Variants in NT5C1A observed in about 807,000 individuals in gnomAD.
NT5C1A encodes the protein cytosolic 5'-nucleotidase 1A.
NT5C1A carries 18 observed loss-of-function variants against 31.0 expected under a neutral mutation model. The ratio of observed to expected loss-of-function variants is 0.58; its 90% CI spans 0.40 to 0.86. NT5C1A has a LOEUF of 0.86. Among genes scored for constraint, NT5C1A ranks in the 40% least tolerant of loss-of-function variants. The pLI is 0.00. For synonymous variants in NT5C1A, 185 were observed against 203.6 expected (o/e 0.91, Z 0.78); for missense variants, 470 against 505.4 (o/e 0.93, Z 0.67).
intron 1 of NT5C1A, among the ~76,000 whole-genome samples, chr1:39,667,166 C>T (rs1217676369): frequency 1.3e-5 from 2 of 150,394 alleles, no homozygotes; most frequent in African/African-American, 4.9e-5. Context: ...CCCACCTGGG[C>T]TTTCTCACAT....
At chr1:39,666,031 A>C in intron 2 of NT5C1A, 38 bp downstream of exon 2, 1 of 1,587,842 alleles carries the variant, frequency 6.3e-7, no homozygotes, top group Non-Finnish European at 8.6e-7. Flanking sequence ...ATCCCCACGA[A>C]GGCGCTATAT....
chr1:39,666,151 T>C lies in NT5C1A; in HGVS notation c.221A>G (p.Gln74Arg), dbSNP rs761763877. 1.2e-6 allele frequency: 2 copies of C among 1,613,518 alleles called. No individual in the cohort carries two copies. The highest frequency in any genetic ancestry group is 1.3e-5 in the African/African-American group (1 of 74,940). Residue 74 changes from glutamine to arginine, a missense_variant, in exon 2 of 6, where the codon CAG (glutamine) becomes CGG (arginine). Coordinates refer to ENST00000235628, the MANE Select transcript of NT5C1A (RefSeq NM_032526.3). ...GTAGCGCACGTACTCCTCCACGCCC[T>C]GCTCCGTGTAGATCTGCTGCTCCTC... ...MDEEQQIYTE[Q>R]GVEEYVRYQL... is the part of the protein sequence containing the mutation.
In NT5C1A at chr1:39,656,866, T is replaced by G. The variant is rs1646461405; in HGVS notation, c.*2255A>C. The stretch of plus-strand genomic sequence containing the variant: ...GAGAAGGAGAGGGCCTTTCTGCAGT[T>G]CAGCCAAGAATAAAGGAGACTCAGG... On this transcript the variant is annotated 3_prime_UTR_variant, in exon 6 of 6. Coordinates refer to ENST00000235628, the MANE Select transcript of NT5C1A (RefSeq NM_032526.3). Among the ~76,000 whole-genome samples, 1 of 152,226 alleles carries G rather than the reference T, an allele frequency of 6.6e-6. No individual in the cohort carries two copies. Among genetic ancestry groups the G allele is most frequent in the Non-Finnish European group, 1.5e-5 (1 of 68,040 alleles).
intron 3 of NT5C1A, among the ~76,000 whole-genome samples, chr1:39,664,492 T>TTCCCCTCC (rs369183926): frequency 1.7e-3 from 1 of 606 alleles, no homozygotes; most frequent in Admixed American, 0.025. Context: ...GGATTTCTCC[T>TTCCCCTCC]CCTCTCCTCT....
Position 39,655,048 on chromosome 1 carries a change from C to T in NT5C1A, c.*4073G>A, listed in dbSNP as rs1338581461. Among the ~76,000 whole-genome samples, 4 of 152,204 alleles carry T rather than the reference C, an allele frequency of 2.6e-5. No homozygotes were observed. Among genetic ancestry groups the T allele is most frequent in the Non-Finnish European group, 4.4e-5 (3 of 67,994 alleles). On this transcript the variant is annotated 3_prime_UTR_variant, in exon 6 of 6. Coordinates refer to ENST00000235628, the MANE Select transcript of NT5C1A (RefSeq NM_032526.3). ...CCTCCGCCTTCCGGGTTCAAGTGAT[C>T]CTCCTGCCTCAGCCTCCCGAGTAGC...
chr1:39,663,537 C>G lies in NT5C1A; in HGVS notation c.434-103G>C, dbSNP rs528340370. 1.3e-5 allele frequency: 16 copies of G among 1,190,306 alleles called. 1 individual carries two copies. In the South Asian group the frequency reaches 2.2e-4, roughly 17 times the overall value. The allele number at this position is 1,190,306 out of a possible 1,614,324, so 73.7% of individuals were successfully genotyped here. On this transcript the variant is annotated intron_variant, in intron 3 of 5. Coordinates refer to ENST00000235628, the MANE Select transcript of NT5C1A (RefSeq NM_032526.3). Reference sequence around the variant, plus strand: ...CACCATCCTAGTTCTGGGTGTGGTACGGCAGCACAGCGTGTCTCAGTGTAA... The same window carrying G: ...CACCATCCTAGTTCTGGGTGTGGTAGGGCAGCACAGCGTGTCTCAGTGTAA...
At chr1:39,671,536 C>T (rs1646552076) in intron 1 of NT5C1A, among the ~76,000 whole-genome samples, 1 of 152,244 alleles carries the variant, frequency 6.6e-6, no homozygotes, top group Admixed American at 6.5e-5. Context: ...ACCGGGTTCC[C>T]AAAGTCTGGT....
chr1:39,657,313 T>C lies in NT5C1A; in HGVS notation c.*1808A>G, dbSNP rs1213299356. On this transcript the variant is annotated 3_prime_UTR_variant, in exon 6 of 6. Transcript: ENST00000235628. ...CTCCTTCCTGGAATATCTTTCTGCATCTCTTACCCTGCCCCACACTGCACA... is the reference window on the plus strand; with the variant it reads ...CTCCTTCCTGGAATATCTTTCTGCACCTCTTACCCTGCCCCACACTGCACA... Among the ~76,000 whole-genome samples, 1 of 152,196 alleles carries C rather than the reference T, an allele frequency of 6.6e-6. No individual in the cohort carries two copies. The highest frequency in any genetic ancestry group is 1.5e-5 in the Non-Finnish European group (1 of 68,030).
intron 3 of NT5C1A, among the ~76,000 whole-genome samples, chr1:39,664,285 C>G (rs974194776): frequency 6.6e-6 from 1 of 150,736 alleles, no homozygotes; most frequent in Non-Finnish European, 1.5e-5. Flanking sequence ...TCCCGAGTAG[C>G]TGGGACCACA....
rs1473630677 is a variant in NT5C1A at position 39,651,508 on chromosome 1, A to C, written c.*7613T>G. Among the ~76,000 whole-genome samples, 1 of 152,240 alleles carries C rather than the reference A, an allele frequency of 6.6e-6. No homozygotes were observed. The highest frequency in any genetic ancestry group is 1.9e-4 in the East Asian group (1 of 5,200). On this transcript the variant is annotated 3_prime_UTR_variant, in exon 6 of 6. Transcript: ENST00000235628. The stretch of plus-strand genomic sequence containing the variant: ...ACAAAGACGAAGAAACACATGCTCT[A>C]ACCATTTACGGAGGCACTTAGGTTT...
intron 1 of NT5C1A, among the ~76,000 whole-genome samples, chr1:39,671,591 G>C (rs922091858): frequency 9.1e-4 from 138 of 152,170 alleles, no homozygotes; most frequent in African/African-American, 3.2e-3. Context: ...GACCAGCTTC[G>C]CCAACAAGTG....
Position 39,652,319 on chromosome 1 carries a change from T to G in NT5C1A, c.*6802A>C, listed in dbSNP as rs1410118510. Among the ~76,000 whole-genome samples, 1 of 152,152 alleles carries G rather than the reference T, an allele frequency of 6.6e-6. No individual in the cohort carries two copies. Among genetic ancestry groups the G allele is most frequent in the Non-Finnish European group, 1.5e-5 (1 of 68,030 alleles). On this transcript the variant is annotated 3_prime_UTR_variant, in exon 6 of 6. Transcript: ENST00000235628. ...CTAAATTCAAAATAGTTGCCAACAT[T>G]TAAAAGTCCAGATTCCCAGCTTCTC...
chr1:39,660,873 G>A (rs1454324751), intron 5 of NT5C1A, among the ~76,000 whole-genome samples: 6 of 152,078 alleles, frequency 3.9e-5, no homozygotes, highest in Admixed American at 3.9e-4. Context: ...GGAGGGTTGG[G>A]ACTTCAGTGA....
In NT5C1A at chr1:39,658,678, G is replaced by C. The variant is rs1169278917; in HGVS notation, c.*443C>G. ...GCTTGAAAACTGCCCAAAAGATGGG[G>C]AAACTGGGGGCCATGAAGGGGAGGG... On this transcript the variant is annotated 3_prime_UTR_variant, in exon 6 of 6. Coordinates refer to ENST00000235628, the MANE Select transcript of NT5C1A (RefSeq NM_032526.3). Among the ~76,000 whole-genome samples, 2 of 152,166 alleles carry C rather than the reference G, an allele frequency of 1.3e-5. No individual in the cohort carries two copies. Among genetic ancestry groups the C allele is most frequent in the Admixed American group, 1.3e-4 (2 of 15,280 alleles).
intron 5 of NT5C1A, 67 bp downstream of exon 5, chr1:39,661,012 G>A (rs897321151): frequency 6.9e-5 from 63 of 907,778 alleles, no homozygotes; most frequent in Non-Finnish European, 9.5e-5. Flanking sequence ...GGCTGGGAGT[G>A]CAGGCCAAGG....
At chr1:39,661,819 T>C (rs1278722522) in intron 4 of NT5C1A, among the ~76,000 whole-genome samples, 1 of 152,166 alleles carries the variant, frequency 6.6e-6, no homozygotes, top group Non-Finnish European at 1.5e-5. Context: ...ATTAAGGGCC[T>C]CTCAGCTCTG....
rs542461326 is a variant in NT5C1A, at chr1:39,653,724, G to A, written c.*5397C>T. ...CTGCAGTGCCACCTACTGGCAGAAA[G>A]GAGGTGGTTTTGTGTTTTGCTTTAA... On this transcript the variant is annotated 3_prime_UTR_variant, in exon 6 of 6. Transcript: ENST00000235628. 1.3e-5 allele frequency among the ~76,000 whole-genome samples: 2 copies of A among 152,296 alleles called. No individual in the cohort carries two copies. Among genetic ancestry groups the A allele is most frequent in the South Asian group, 4.1e-4 (2 of 4,832 alleles).
At chr1:39,665,480 G>A in intron 3 of NT5C1A, 41 bp downstream of exon 3, 5 of 1,572,980 alleles carry the variant, frequency 3.2e-6, no homozygotes, top group Non-Finnish European at 4.3e-6. Context: ...TCTGGTAGGG[G>A]TGTCCCAGGG....
chr1:39,669,532 G>GC (rs1473411496), intron 1 of NT5C1A, among the ~76,000 whole-genome samples: 3 of 152,188 alleles, frequency 2.0e-5, no homozygotes, highest in Non-Finnish European at 2.9e-5. Flanking sequence ...GAGGCCTAGA[G>GC]CCCCCAAAAT....
Sources: gnomAD v4.1 joint callset for allele counts (sites outside exome capture counted in the v4.1 genomes callset) on GRCh38, gnomAD v4.1.1 for gene constraint, MANE v1.5 for transcripts, NCBI Gene and HGNC (gene_info 2026-07-23, HGNC 2026-07-21) for gene names.